The following ABHD2 variants were observed in gnomAD, a reference collection of about 807,000 sequenced individuals.
ABHD2 encodes the protein abhydrolase domain containing 2, acylglycerol lipase.
In ABHD2, 20 loss-of-function variants were observed where a neutral mutation model predicts 48.1. The ratio of observed to expected loss-of-function variants is 0.42; its 90% CI spans 0.29 to 0.60. The LOEUF is 0.60. ABHD2 is among the 20% of genes least tolerant of loss of function. The pLI is 0.24. For synonymous variants in ABHD2, 209 were observed against 214.2 expected (o/e 0.98, Z 0.21); for missense variants, 405 against 550.9 (o/e 0.74, Z 2.65).
chr15:89,154,247 A>C (rs1189966894), intron 4 of ABHD2, among the ~76,000 whole-genome samples: 1 of 152,216 alleles, frequency 6.6e-6, no homozygotes, highest in Non-Finnish European at 1.5e-5. Context: ...CACTACATCC[A>C]ACAGTTTACA....
At chr15:89,140,813 G>C (rs1043737265) in intron 3 of ABHD2, among the ~76,000 whole-genome samples, 1 of 152,086 alleles carries the variant, frequency 6.6e-6, no homozygotes, top group East Asian at 1.9e-4. Context: ...TCACAACATG[G>C]CCTTAACCTC....
At chr15:89,071,710 T>TCC in the ABHD2 span, among the ~76,000 whole-genome samples, 4 of 152,138 alleles carry the variant, frequency 2.6e-5, no homozygotes, top group Admixed American at 1.3e-4. Context: ...GGTTGGCCAC[T>TCC]CCCAGATTCC....
intron 5 of ABHD2, among the ~76,000 whole-genome samples, chr15:89,163,566 A>C (rs566251531): frequency 6.6e-6 from 1 of 152,360 alleles, no homozygotes; most frequent in Admixed American, 6.5e-5. Flanking sequence ...AGTGAGTGGC[A>C]GAACCAGCCT....
At chr15:89,087,975 C>G (rs1254991421), upstream of ABHD2, 1 of 152,134 alleles carries the variant, frequency 6.6e-6, no homozygotes, top group East Asian at 1.9e-4. This position sits in a 1 kb window ranked among gnomAD's most constrained non-coding sequence, Gnocchi z 5.5. Context: ...GTCAGTCAGT[C>G]GGCCTGGACC....
At position 89,137,557 on chromosome 15, in the gene ABHD2, A is replaced by G. The variant is rs2050335341; in HGVS notation, c.195-14120A>G. Among the ~76,000 whole-genome samples, 1 of 152,166 alleles carries G rather than the reference A, an allele frequency of 6.6e-6. No homozygotes were observed. The highest frequency in any genetic ancestry group is 2.4e-5 in the African/African-American group (1 of 41,436). On this transcript the variant is annotated intron_variant, in intron 3 of 10. Transcript: ENST00000352732. The surrounding 1 kb of genome is among the most constrained non-coding windows in gnomAD (Gnocchi z 4.8). ...TTAGAAACCAGTTCGGGAACGGAAG[A>G]GGATTGCTCTTTTGTTTCCTCAGGC...
chr15:89,186,665 G>A lies in ABHD2; in HGVS notation c.815+1149G>A, dbSNP rs2051215649. 1.3e-5 allele frequency among the ~76,000 whole-genome samples: 2 copies of A among 152,178 alleles called. No individual in the cohort carries two copies. The highest frequency in any genetic ancestry group is 2.9e-5 in the Non-Finnish European group (2 of 68,024). On this transcript the variant is annotated intron_variant, in intron 7 of 10. Transcript: ENST00000352732. The surrounding 1 kb of genome is among the most constrained non-coding windows in gnomAD (Gnocchi z 4.3). ...TACGTCTAGAACCAAACTGGAGAGC[G>A]TTGGAGGGCTTAGGCATGTGTTGAT... is the stretch of plus-strand genomic sequence containing the variant.
the ABHD2 span, among the ~76,000 whole-genome samples, chr15:89,076,565 C>T: frequency 2.6e-5 from 4 of 152,136 alleles, no homozygotes; most frequent in East Asian, 5.8e-4. Flanking sequence ...CCCATTGCAG[C>T]CTCTACCTCC....
intron 3 of ABHD2, among the ~76,000 whole-genome samples, chr15:89,148,577 T>A (rs1476694078): frequency 1.3e-5 from 2 of 152,202 alleles, no homozygotes; most frequent in Non-Finnish European, 2.9e-5. Context: ...ACCTCTCAGT[T>A]CCATCACAGT....
the ABHD2 span, among the ~76,000 whole-genome samples, chr15:89,082,256 G>A: frequency 6.6e-6 from 1 of 152,224 alleles, no homozygotes; most frequent in African/African-American, 2.4e-5. The surrounding 1 kb of genome is among the most constrained non-coding windows in gnomAD (Gnocchi z 4.4). Context: ...AGAGAGTACA[G>A]AGATAGGGTC....
chr15:89,162,458 T>C (rs1026121550), intron 5 of ABHD2, among the ~76,000 whole-genome samples: 2 of 152,126 alleles, frequency 1.3e-5, no homozygotes, highest in Admixed American at 6.5e-5. Flanking sequence ...TTGGAGGAGC[T>C]CTCTGGATCC....
Position 89,195,251 on chromosome 15 carries a change from T to C in ABHD2, c.1106T>C (p.Val369Ala). 6.2e-7 allele frequency: 1 copy of C among 1,614,106 alleles called. No individual in the cohort carries two copies. Among genetic ancestry groups the C allele is most frequent in the Non-Finnish European group, 8.5e-7 (1 of 1,179,970 alleles). ...LSEKRENVMFVLPLHGGHLGF... is the reference protein window; with the variant it reads ...LSEKRENVMFALPLHGGHLGF... The stretch of plus-strand genomic sequence containing the variant: ...GAGAAACGAGAGAACGTCATGTTTG[T>C]GCTGCCTCTGCATGGGGGCCACTTG... Residue 369 changes from valine (V) to alanine (A), a missense_variant, in exon 11 of 11, where the codon GTG (valine) becomes GCG (alanine). Physicochemically the swap from Val to Ala is moderately conservative, Grantham distance 64. Coordinates refer to ENST00000352732, the MANE Select transcript of ABHD2 (RefSeq NM_152924.5). This position sits in a 1 kb window ranked among gnomAD's most constrained non-coding sequence, Gnocchi z 5.1.
the ABHD2 span, among the ~76,000 whole-genome samples, chr15:89,076,491 C>A: frequency 1.3e-5 from 2 of 151,844 alleles, no homozygotes; most frequent in Non-Finnish European, 2.9e-5. Flanking sequence ...TGTTTTGTTT[C>A]GTTTCTTTTT....
Position 89,147,531 on chromosome 15 carries a change from T to A in ABHD2, c.195-4146T>A, listed in dbSNP as rs1339857531. 2.6e-5 allele frequency among the ~76,000 whole-genome samples: 4 copies of A among 151,368 alleles called. No homozygotes were observed. In the South Asian group the frequency reaches 8.3e-4, roughly 31 times the overall value. ...ACCACGCCCGGCTAATTTTTTGTAT[T>A]TTCAGTAGAGACGGGGTTTCACCGT... is the stretch of plus-strand genomic sequence containing the variant. On this transcript the variant is annotated intron_variant, in intron 3 of 10. Coordinates refer to ENST00000352732, the MANE Select transcript of ABHD2 (RefSeq NM_152924.5).
At chr15:89,170,080 C>CTTTTTTTTTTTTTTTTTTTTT (rs748983183) in intron 5 of ABHD2, among the ~76,000 whole-genome samples, 1 of 37,484 alleles carries the variant, frequency 2.7e-5, no homozygotes, top group Non-Finnish European at 5.4e-5. Context: ...AGATCAGATT[C>CTTTTTTTTTTTTTTTTTTTTT]TTTTTTTTTT....
chr15:89,084,208 G>GC (rs1686348345), upstream of ABHD2, among the ~76,000 whole-genome samples: 1 of 49,186 alleles, frequency 2.0e-5, no homozygotes, highest in African/African-American at 1.1e-4. The surrounding 1 kb of genome is among the most constrained non-coding windows in gnomAD (Gnocchi z 4.4). Context: ...TTTTGCTAGT[G>GC]TAAAAAAAAA....
the ABHD2 span, among the ~76,000 whole-genome samples, chr15:89,052,520 GAGACAGACAGACAGACAGAC>G: frequency 5.6e-5 from 8 of 142,346 alleles, no homozygotes; most frequent in Non-Finnish European, 9.0e-5. Flanking sequence ...TTTGGACCCA[GAGACAGACAGACAGACAGAC>G]AGACAGACAG....
rs1037036136 is a variant in ABHD2, at chr15:89,104,676, C to T, written c.-106-9049C>T. On this transcript the variant is annotated intron_variant, in intron 1 of 10. Coordinates refer to ENST00000352732, the MANE Select transcript of ABHD2 (RefSeq NM_152924.5). The surrounding 1 kb of genome is among the most constrained non-coding windows in gnomAD (Gnocchi z 4.4). ...GGGTGAAACTTTCTTCTTTGCCTGCCTTAGGGAGTTAGATGGGTTGAGTGG... is the reference window on the plus strand; with the variant it reads ...GGGTGAAACTTTCTTCTTTGCCTGCTTTAGGGAGTTAGATGGGTTGAGTGG... 3.3e-5 allele frequency among the ~76,000 whole-genome samples: 5 copies of T among 152,138 alleles called. No homozygotes were observed. The highest frequency in any genetic ancestry group is 1.2e-4 in the African/African-American group (5 of 41,428).
chr15:89,191,580 C>T (rs1260695621), intron 9 of ABHD2, among the ~76,000 whole-genome samples: 2 of 151,658 alleles, frequency 1.3e-5, no homozygotes, highest in African/African-American at 2.4e-5. Context: ...CAGAGTAAAA[C>T]TGATGTGTTT....
chr15:89,159,384 A>C (rs961302250), intron 5 of ABHD2, among the ~76,000 whole-genome samples: 1 of 152,170 alleles, frequency 6.6e-6, no homozygotes, highest in Non-Finnish European at 1.5e-5. Context: ...CTCAAAAAAA[A>C]AGGAATTACA....
Sources: allele counts gnomAD v4.1 joint callset (sites outside exome capture counted in the v4.1 genomes callset), GRCh38; gene constraint gnomAD v4.1.1; non-coding constraint Gnocchi (gnomAD v3.1); transcripts MANE v1.5; gene names NCBI Gene and HGNC (gene_info 2026-07-23, HGNC 2026-07-21).